CPEB1: variants seen among roughly 807,000 people sequenced by gnomAD.
The protein encoded by CPEB1 is cytoplasmic polyadenylation element-binding protein 1.
A neutral mutation model predicts 65.8 loss-of-function variants in CPEB1; 7 were observed. That is an observed-to-expected ratio of 0.11 (90% CI 0.06 to 0.20). The LOEUF is 0.20. CPEB1 is among the 10% of genes least tolerant of loss of function. CPEB1 has a pLI of 1.00. For synonymous variants in CPEB1, 262 were observed against 260.0 expected (o/e 1.01, Z -0.08); for missense variants, 551 against 712.2 (o/e 0.77, Z 2.58).
intron 1 of CPEB1, among the ~76,000 whole-genome samples, chr15:82,644,967 A>G (rs587722825): frequency 5.9e-5 from 9 of 152,324 alleles, no homozygotes; most frequent in African/African-American, 1.9e-4. Context: ...AAAAGCACAT[A>G]GAACCATTCC....
chr15:82,631,921 A>G (rs1169273680), intron 1 of CPEB1, among the ~76,000 whole-genome samples: 1 of 151,542 alleles, frequency 6.6e-6, no homozygotes, highest in Non-Finnish European at 1.5e-5. Flanking sequence ...TTGCATATAC[A>G]TAATGACCTA....
chr15:82,557,138 TA>T (rs2037349463), intron 5 of CPEB1, among the ~76,000 whole-genome samples: 1 of 152,228 alleles, frequency 6.6e-6, no homozygotes, highest in South Asian at 2.1e-4. Context: ...CTACCTATTC[TA>T]ATTCATTTGC....
intron 3 of CPEB1, among the ~76,000 whole-genome samples, chr15:82,596,697 CA>C (rs59895391): frequency 0.45 from 40,488 of 89,396 alleles, 5,089 homozygotes; most frequent in African/African-American, 0.53. Context: ...GACTCTGTCT[CA>C]AAAAAAAAAA....
intron 3 of CPEB1, among the ~76,000 whole-genome samples, chr15:82,604,517 C>T (rs1322442526): frequency 6.7e-6 from 1 of 149,840 alleles, no homozygotes; most frequent in Non-Finnish European, 1.5e-5. Flanking sequence ...AACAAGAAAC[C>T]ATATCCAAGG....
intron 4 of CPEB1, among the ~76,000 whole-genome samples, chr15:82,565,732 CTT>C (rs1188276602): frequency 6.6e-6 from 1 of 152,238 alleles, no homozygotes; most frequent in Non-Finnish European, 1.5e-5. Context: ...GCCCTGACCT[CTT>C]TGCTCTGTTC....
intron 1 of CPEB1, chr15:82,629,799 T>A (rs1490530806): frequency 8.1e-6 from 8 of 985,298 alleles, no homozygotes; most frequent in African/African-American, 1.7e-5. Context: ...TTGTTTGGCC[T>A]ACTAAAATCC....
chr15:82,550,226 G>T (rs1289292085), intron 9 of CPEB1, among the ~76,000 whole-genome samples: 1 of 152,210 alleles, frequency 6.6e-6, no homozygotes, highest in Non-Finnish European at 1.5e-5. Flanking sequence ...GAGTCTTAAA[G>T]GGCTGGGGCT....
intron 11 of CPEB1, 58 bp from the exon 12 acceptor site, chr15:82,546,579 G>C (rs2035255560): frequency 4.6e-6 from 6 of 1,293,820 alleles, no homozygotes; most frequent in Non-Finnish European, 6.7e-6. Context: ...GGCTCGATAG[G>C]CGATAGAAGA....
chr15:82,550,317 A>C (rs921353153), intron 9 of CPEB1, among the ~76,000 whole-genome samples: 2 of 152,234 alleles, frequency 1.3e-5, no homozygotes, highest in African/African-American at 4.8e-5. Flanking sequence ...AATGAAGTGA[A>C]GATCTAAAAA....
chr15:82,585,668 T>C (rs1164707367), intron 3 of CPEB1, among the ~76,000 whole-genome samples: 1 of 152,210 alleles, frequency 6.6e-6, no homozygotes, highest in African/African-American at 2.4e-5. Flanking sequence ...CCATGCCCTT[T>C]ATACAATTAT....
At chr15:82,560,298 C>A (rs935787992) in intron 4 of CPEB1, among the ~76,000 whole-genome samples, 3 of 151,940 alleles carry the variant, frequency 2.0e-5, no homozygotes, top group African/African-American at 4.8e-5. Flanking sequence ...TCCTTTTCCA[C>A]ATTTCACAAA....
At chr15:82,647,896 G>A (rs1386411911), upstream of CPEB1, 3 of 1,233,428 alleles carry the variant, frequency 2.4e-6, no homozygotes, top group Non-Finnish European at 2.0e-6. Context: ...CTGCGGGGCT[G>A]ACGGGCTGAC....
At chr15:82,629,442 G>T in intron 1 of CPEB1, 1 of 979,320 alleles carries the variant, frequency 1.0e-6, no homozygotes, top group Non-Finnish European at 1.2e-6. Context: ...AATGAAAAAA[G>T]AACTCCTATA....
At chr15:82,616,500 C>A (rs1018849848) in intron 3 of CPEB1, among the ~76,000 whole-genome samples, 3 of 151,072 alleles carry the variant, frequency 2.0e-5, no homozygotes, top group African/African-American at 7.3e-5. Context: ...TGTTAAAGAT[C>A]GGTGGTAAAT....
chr15:82,588,425 T>C (rs767993924), intron 3 of CPEB1, among the ~76,000 whole-genome samples: 1 of 152,230 alleles, frequency 6.6e-6, no homozygotes, highest in Non-Finnish European at 1.5e-5. Flanking sequence ...TTAAAAAATA[T>C]ATGCACAAAT....
At chr15:82,617,724 GT>G (rs35267620) in intron 3 of CPEB1, among the ~76,000 whole-genome samples, 1,868 of 83,778 alleles carry the variant, frequency 0.022, 7 homozygotes, top group African/African-American at 0.068. Flanking sequence ...TTCTATTAAA[GT>G]TTTTTTTTTT....
At chr15:82,551,421 A>G (rs993011591) in intron 9 of CPEB1, among the ~76,000 whole-genome samples, 6 of 152,178 alleles carry the variant, frequency 3.9e-5, no homozygotes, top group Admixed American at 6.5e-5. Context: ...ATCCCCACCG[A>G]AAGTCCATGG....
At chr15:82,603,028 G>A (rs2043253972) in intron 3 of CPEB1, among the ~76,000 whole-genome samples, 1 of 152,056 alleles carries the variant, frequency 6.6e-6, no homozygotes, top group Non-Finnish European at 1.5e-5. Flanking sequence ...CAGAAATCTG[G>A]GGAGTATTTG....
upstream of CPEB1, chr15:82,647,842 C>A (rs1240914360): frequency 1.6e-6 from 2 of 1,277,652 alleles, no homozygotes; most frequent in Non-Finnish European, 9.9e-7. Flanking sequence ...AGGCGAGCGG[C>A]GGGTGGCTCT....
Sources: allele counts gnomAD v4.1 joint callset (sites outside exome capture counted in the v4.1 genomes callset), GRCh38; gene constraint gnomAD v4.1.1; transcripts MANE v1.5; gene names NCBI Gene and HGNC (gene_info 2026-07-23, HGNC 2026-07-21).